NXPH1: variants seen among roughly 807,000 people sequenced by gnomAD.
NXPH1 encodes the protein neurexophilin-1.
A neutral mutation model predicts 23.7 loss-of-function variants in NXPH1; 5 were observed. The observed-to-expected ratio is 0.21, with a 90% CI of 0.11 to 0.44. NXPH1 has a LOEUF of 0.44. Among genes scored for constraint, NXPH1 ranks in the 20% least tolerant of loss-of-function variants. NXPH1 has a pLI of 0.99. For synonymous variants in NXPH1, 144 were observed against 122.2 expected (o/e 1.18, Z -1.18); for missense variants, 324 against 321.6 (o/e 1.01, Z -0.06).
At chr7:8,613,877 TA>T (rs908064540) in intron 2 of NXPH1, among the ~76,000 whole-genome samples, 5 of 151,884 alleles carry the variant, frequency 3.3e-5, no homozygotes, top group Non-Finnish European at 1.5e-5. Flanking sequence ...CACATATACA[TA>T]TAAATCACAT....
intron 2 of NXPH1, among the ~76,000 whole-genome samples, chr7:8,737,089 G>T (rs1391331917): frequency 3.3e-5 from 5 of 151,962 alleles, no homozygotes; most frequent in Non-Finnish European, 7.4e-5. Context: ...TATCCAATTT[G>T]CCAGTGTGTG....
At chr7:8,492,538 G>T (rs989549214) in intron 2 of NXPH1, among the ~76,000 whole-genome samples, 2 of 151,828 alleles carry the variant, frequency 1.3e-5, no homozygotes, top group Non-Finnish European at 2.9e-5. Context: ...ACAGGTTTTG[G>T]GGGACACAAT....
intron 2 of NXPH1, among the ~76,000 whole-genome samples, chr7:8,749,584 T>C (rs1393729234): frequency 2.0e-5 from 3 of 152,184 alleles, no homozygotes; most frequent in African/African-American, 7.2e-5. Flanking sequence ...TTTCCAGGAA[T>C]GACCATTCAT....
chr7:8,621,346 A>T (rs1272225210), intron 2 of NXPH1, among the ~76,000 whole-genome samples: 1 of 152,158 alleles, frequency 6.6e-6, no homozygotes, highest in Non-Finnish European at 1.5e-5. Flanking sequence ...GAAGGTAGTG[A>T]CTCAACAAGA....
At chr7:8,533,590 G>A (rs1000283594) in intron 2 of NXPH1, among the ~76,000 whole-genome samples, 11 of 151,926 alleles carry the variant, frequency 7.2e-5, no homozygotes, top group African/African-American at 2.2e-4. Context: ...TATGGCTAGC[G>A]GTATTATAGG....
At chr7:8,438,512 T>G (rs970404847) in intron 2 of NXPH1, among the ~76,000 whole-genome samples, 3 of 152,254 alleles carry the variant, frequency 2.0e-5, no homozygotes, top group African/African-American at 7.2e-5. Context: ...TCACTCTGTT[T>G]ATGCCTTACC....
intron 2 of NXPH1, among the ~76,000 whole-genome samples, chr7:8,598,943 A>G (rs1463520726): frequency 6.6e-6 from 1 of 152,144 alleles, no homozygotes; most frequent in African/African-American, 2.4e-5. Flanking sequence ...TCTCTTTGAG[A>G]CATTTCAATT....
At chr7:8,489,435 G>A (rs1281972147) in intron 2 of NXPH1, among the ~76,000 whole-genome samples, 4 of 152,050 alleles carry the variant, frequency 2.6e-5, no homozygotes, top group African/African-American at 4.8e-5. Context: ...TGTGTATGAT[G>A]TGCCAGGTAC....
intron 2 of NXPH1, among the ~76,000 whole-genome samples, chr7:8,631,119 A>G (rs544217779): frequency 5.9e-5 from 9 of 152,130 alleles, no homozygotes; most frequent in Non-Finnish European, 1.0e-4. Context: ...TTCTTCTTTT[A>G]TGGCTGCATA....
intron 2 of NXPH1, among the ~76,000 whole-genome samples, chr7:8,689,937 G>A (rs992650584): frequency 4.6e-5 from 7 of 152,166 alleles, no homozygotes; most frequent in Non-Finnish European, 7.4e-5. Flanking sequence ...CAGGCATAAA[G>A]CAGAGCTGAG....
chr7:8,734,635 G>A (rs191012463), intron 2 of NXPH1, among the ~76,000 whole-genome samples: 110 of 152,300 alleles, frequency 7.2e-4, no homozygotes, highest in African/African-American at 2.3e-3. Context: ...TTTAGAATAA[G>A]TGTGATGTGG....
chr7:8,726,329 T>G (rs1448167908), intron 2 of NXPH1, among the ~76,000 whole-genome samples: 4 of 152,034 alleles, frequency 2.6e-5, no homozygotes, highest in African/African-American at 9.7e-5. Flanking sequence ...TTTTGTTTGT[T>G]TTTTTTAAAT....
At chr7:8,646,535 G>A (rs963583131) in intron 2 of NXPH1, among the ~76,000 whole-genome samples, 1 of 151,800 alleles carries the variant, frequency 6.6e-6, no homozygotes, top group African/African-American at 2.4e-5. Context: ...TCTTTTTCTT[G>A]CTTTTAAAAG....
chr7:8,469,790 T>C (rs1816844610), intron 2 of NXPH1, among the ~76,000 whole-genome samples: 1 of 152,152 alleles, frequency 6.6e-6, no homozygotes, highest in African/African-American at 2.4e-5. Flanking sequence ...AGACTAGACA[T>C]GCTGGGCATT....
At chr7:8,504,987 G>C (rs769533447) in intron 2 of NXPH1, among the ~76,000 whole-genome samples, 5 of 152,006 alleles carry the variant, frequency 3.3e-5, no homozygotes, top group Non-Finnish European at 7.4e-5. Flanking sequence ...ACTTACTAAG[G>C]CATTCAGTTT....
intron 2 of NXPH1, among the ~76,000 whole-genome samples, chr7:8,694,753 GA>G (rs1299413513): frequency 6.6e-6 from 1 of 152,006 alleles, no homozygotes; most frequent in Admixed American, 6.6e-5. Context: ...AATATAACTA[GA>G]AATTCATATA....
intron 2 of NXPH1, among the ~76,000 whole-genome samples, chr7:8,580,045 A>G (rs1412463367): frequency 6.6e-6 from 1 of 152,214 alleles, no homozygotes; most frequent in African/African-American, 2.4e-5. Flanking sequence ...CTTTTGGCCA[A>G]GAACTAAAAA....
chr7:8,540,857 ATAAC>A (rs1212596105), intron 2 of NXPH1, among the ~76,000 whole-genome samples: 3 of 151,786 alleles, frequency 2.0e-5, no homozygotes, highest in African/African-American at 4.8e-5. Flanking sequence ...GTGGTGAAGA[ATAAC>A]TAACCCATGA....
chr7:8,522,503 G>A (rs1817789685), intron 2 of NXPH1, among the ~76,000 whole-genome samples: 1 of 152,142 alleles, frequency 6.6e-6, no homozygotes, highest in Non-Finnish European at 1.5e-5. Context: ...TGATTTTATA[G>A]AGTAGACAAT....
Sources: gnomAD v4.1 joint callset for allele counts (sites outside exome capture counted in the v4.1 genomes callset) on GRCh38, gnomAD v4.1.1 for gene constraint, MANE v1.5 for transcripts, NCBI Gene and HGNC (gene_info 2026-07-23, HGNC 2026-07-21) for gene names.